The following PAPPA variants were observed in gnomAD, a reference collection of about 807,000 sequenced individuals.
PAPPA encodes pappalysin 1.
Under a neutral mutation model 164.0 loss-of-function variants are expected in PAPPA, and 60 were observed. That is an observed-to-expected ratio of 0.37 (90% CI 0.30 to 0.45). The LOEUF (loss-of-function observed/expected upper bound fraction) is 0.45, where lower values mean the gene tolerates loss of function less well. PAPPA is among the 20% of genes least tolerant of loss of function. The pLI is 1.00. For synonymous variants in PAPPA, 875 were observed against 814.1 expected, an observed-to-expected ratio of 1.07 and a Z score of -1.27; for missense variants, 1,782 against 2,087.3, an observed-to-expected ratio of 0.85 and a Z score of 2.85.
chr9:116,361,315 C>A (rs186135586), intron 17 of PAPPA, among the ~76,000 whole-genome samples: 82 of 151,878 alleles, frequency 5.4e-4, no homozygotes, highest in South Asian at 1.5e-3. Flanking sequence ...GTTCTTAGAT[C>A]CTTCACAATA....
At chr9:116,292,985 T>C (rs137878738) in intron 9 of PAPPA, among the ~76,000 whole-genome samples, 34 of 152,248 alleles carry the variant, frequency 2.2e-4, no homozygotes, top group African/African-American at 7.2e-4. Flanking sequence ...GGGCTACTTC[T>C]TTATATGCTT....
chr9:116,208,192 G>A (rs1278747936), intron 3 of PAPPA, among the ~76,000 whole-genome samples: 1 of 152,182 alleles, frequency 6.6e-6, no homozygotes, highest in Non-Finnish European at 1.5e-5. Flanking sequence ...AGTTAGACAT[G>A]ACAACAGTTT....
intron 7 of PAPPA, among the ~76,000 whole-genome samples, chr9:116,249,346 T>C (rs563181003): frequency 1.3e-5 from 2 of 152,188 alleles, no homozygotes; most frequent in African/African-American, 4.8e-5. Flanking sequence ...GGGTGGTGGC[T>C]GAGGGTAAAA....
chr9:116,226,338 A>G (rs1266387433), intron 5 of PAPPA, among the ~76,000 whole-genome samples: 2 of 152,186 alleles, frequency 1.3e-5, no homozygotes, highest in Admixed American at 6.5e-5. Flanking sequence ...GATGCTCACA[A>G]GCACACGGTT....
In PAPPA at chr9:116,271,173, C is replaced by A. The variant is rs1454130296; in HGVS notation, c.2862-152C>A. 3.3e-6 allele frequency: 2 copies of A among 612,964 alleles called. No individual in the cohort carries two copies. The highest frequency in any genetic ancestry group is 1.9e-5 in the African/African-American group (1 of 53,964). The allele number at this position is 612,964 out of a possible 1,614,324, so 38.0% of individuals were successfully genotyped here. A position where few individuals can be genotyped will look rare whatever the true frequency, so the allele number is the denominator to read the frequency against. Reference sequence around the variant, plus strand: ...ATAAATCCATACCTTTTAGAAATCTCATTTTGAAGATGAAGAAGCAGAGAC... The same window carrying A: ...ATAAATCCATACCTTTTAGAAATCTAATTTTGAAGATGAAGAAGCAGAGAC... On this transcript the variant is annotated intron_variant, in intron 8 of 21. Coordinates refer to ENST00000328252, the MANE Select transcript of PAPPA (RefSeq NM_002581.5). The surrounding 1 kb of genome is among the most constrained non-coding windows in gnomAD (Gnocchi z 4.2).
intron 2 of PAPPA, among the ~76,000 whole-genome samples, chr9:116,188,589 A>G (rs999173089): frequency 6.6e-6 from 1 of 152,210 alleles, no homozygotes; most frequent in Admixed American, 6.5e-5. Context: ...GCCTACTTAA[A>G]TTTAAATCAG....
intron 19 of PAPPA, among the ~76,000 whole-genome samples, chr9:116,374,983 T>C (rs1322415677): frequency 1.3e-5 from 2 of 152,270 alleles, no homozygotes; most frequent in Non-Finnish European, 2.9e-5. Context: ...TTCACTGTGC[T>C]CCACGCTTCA....
At chr9:116,381,882 A>T (rs931102332) in intron 20 of PAPPA, among the ~76,000 whole-genome samples, 29 of 152,352 alleles carry the variant, frequency 1.9e-4, no homozygotes, top group African/African-American at 7.0e-4. Flanking sequence ...GCCCACTATC[A>T]CACACAGACC....
At chr9:116,199,236 C>T (rs1342664899) in intron 2 of PAPPA, among the ~76,000 whole-genome samples, 1 of 152,176 alleles carries the variant, frequency 6.6e-6, no homozygotes, top group Non-Finnish European at 1.5e-5. Flanking sequence ...AGTGATTTTC[C>T]TATGGGTTAG....
intron 10 of PAPPA, among the ~76,000 whole-genome samples, chr9:116,317,671 G>T (rs1032884182): frequency 1.3e-5 from 2 of 152,178 alleles, no homozygotes; most frequent in African/African-American, 2.4e-5. Context: ...AAGTGTTTCA[G>T]TGCTCAACAT....
rs1448912227 is a variant in PAPPA at position 116,167,692 on chromosome 9, A to G, written c.415+13105A>G. Among the ~76,000 whole-genome samples the G allele has an allele frequency of 5.3e-5, 8 of 152,162 alleles. No homozygotes were observed. In the East Asian group the frequency reaches 1.5e-3, roughly 29 times the overall value. On this transcript the variant is annotated intron_variant, in intron 1 of 21. Transcript: ENST00000328252. ...AATAGAACAGTGACTCTGGAGTAAC[A>G]AGGCTGATTTTTGGGTGACTATCAT...
rs1422086192 is a variant in PAPPA, at chr9:116,396,604, C to T, written c.4872C>T (p.Tyr1624=). 6.4e-6 allele frequency: 5 copies of T among 780,668 alleles called. No individual in the cohort carries two copies. Among genetic ancestry groups the T allele is most frequent in the Middle Eastern group, 2.2e-4 (1 of 4,458 alleles). 48.4% of individuals were successfully genotyped at this position (780,668 alleles called of 1,614,324 possible). The change falls in exon 22 of 22, where the codon TAC becomes TAT. Residue 1624 remains tyrosine, a synonymous_variant. Transcript: ENST00000328252. ...ACAGCCGGAAAGACCTCCGGGGATACAGCCATGGCTAAGGAAGGACAAGAA... is the reference window on the plus strand; with the variant it reads ...ACAGCCGGAAAGACCTCCGGGGATATAGCCATGGCTAAGGAAGGACAAGAA... The part of the protein sequence containing the change: ...QEHSRKDLRG[Y]SHG
chr9:116,373,814 T>TGAC (rs1408931986), intron 19 of PAPPA: 1 of 152,166 alleles, frequency 6.6e-6, no homozygotes, highest in Non-Finnish European at 1.5e-5. Flanking sequence ...GTTTAATTGC[T>TGAC]GACTGTCACT....
At chr9:116,252,556 G>T (rs769671340) in intron 7 of PAPPA, among the ~76,000 whole-genome samples, 1 of 152,198 alleles carries the variant, frequency 6.6e-6, no homozygotes, top group Non-Finnish European at 1.5e-5. Context: ...GGGTGTGGTG[G>T]GATCCCAGGC....
chr9:116,313,904 A>T (rs554865260), intron 10 of PAPPA, among the ~76,000 whole-genome samples: 1 of 152,048 alleles, frequency 6.6e-6, no homozygotes, highest in Non-Finnish European at 1.5e-5. Context: ...CAACTTAATT[A>T]GCCTCTCTGT....
chr9:116,223,850 T>C lies in PAPPA; in HGVS notation c.2112-3581T>C, dbSNP rs923485686. Among the ~76,000 whole-genome samples, 4 of 152,204 alleles carry C rather than the reference T, an allele frequency of 2.6e-5. No individual in the cohort carries two copies. In the South Asian group the frequency reaches 8.3e-4, roughly 31 times the overall value. Reference sequence around the variant, plus strand: ...GTCAATGGGACCTTGAGCAAAGCCATCTCACCTCTGATCCTCTGGGCCTTC... The same window carrying C: ...GTCAATGGGACCTTGAGCAAAGCCACCTCACCTCTGATCCTCTGGGCCTTC... On this transcript the variant is annotated intron_variant, in intron 5 of 21. Coordinates refer to ENST00000328252, the MANE Select transcript of PAPPA (RefSeq NM_002581.5).
Position 116,227,335 on chromosome 9 carries a change from G to T in PAPPA, c.2112-96G>T, listed in dbSNP as rs914239992. ...GGAAAGGGGGAAACACAGATTTGTT[G>T]TGTCCTCTGCCCCATTGACTCTGGC... On this transcript the variant is annotated intron_variant, in intron 5 of 21. Transcript: ENST00000328252. The T allele has an allele frequency of 1.4e-5, 18 of 1,272,928 alleles. No individual in the cohort carries two copies. The Admixed American group carries it at 3.2e-4, about 23-fold the overall frequency. 78.9% of individuals were successfully genotyped at this position (1,272,928 alleles called of 1,614,324 possible).
chr9:116,166,054 T>A (rs1458682860), intron 1 of PAPPA, among the ~76,000 whole-genome samples: 1 of 152,226 alleles, frequency 6.6e-6, no homozygotes, highest in Non-Finnish European at 1.5e-5. Flanking sequence ...CAGTTTAATA[T>A]CTAATGATTC....
intron 9 of PAPPA, among the ~76,000 whole-genome samples, chr9:116,284,057 CT>C (rs935407904): frequency 9.9e-5 from 15 of 152,202 alleles, no homozygotes; most frequent in Admixed American, 9.2e-4. Flanking sequence ...ATCACATAGG[CT>C]TTTATTTATT....
Sources: gnomAD v4.1 joint callset for allele counts (sites outside exome capture counted in the v4.1 genomes callset) on GRCh38, gnomAD v4.1.1 for gene constraint, Gnocchi (gnomAD v3.1) non-coding constraint, MANE v1.5 for transcripts, NCBI Gene and HGNC (gene_info 2026-07-23, HGNC 2026-07-21) for gene names.